Variants in PSMA2 observed in about 807,000 individuals in gnomAD.
PSMA2 encodes proteasome subunit alpha type-2.
PSMA2 carries 2 observed loss-of-function variants against 35.9 expected under a neutral mutation model. The observed-to-expected ratio is 0.06, with a 90% CI of 0.02 to 0.18. The LOEUF (loss-of-function observed/expected upper bound fraction) is 0.18, where lower values mean the gene tolerates loss of function less well. Ranked by LOEUF, PSMA2 falls within the 10% of genes least tolerant of loss-of-function variation. The pLI, the probability that PSMA2 is intolerant of heterozygous loss-of-function variation, is 1.00. For synonymous variants in PSMA2, 97 were observed against 98.2 expected (o/e 0.99, Z 0.07); for missense variants, 126 against 278.8 (o/e 0.45, Z 3.90).
At chr7:42,930,206 A>AACAC (rs58987065) in intron 1 of PSMA2, among the ~76,000 whole-genome samples, 1 of 149,214 alleles carries the variant, frequency 6.7e-6, no homozygotes, top group African/African-American at 2.5e-5. Flanking sequence ...ACCATGTTAA[A>AACAC]ACACACACAC....
At chr7:42,924,528 T>G in intron 4 of PSMA2, 147 bp downstream of exon 4, 2 of 834,908 alleles carry the variant, frequency 2.4e-6, no homozygotes, top group Non-Finnish European at 3.5e-6. Flanking sequence ...CAGAGCCAGA[T>G]AAGATCAGAA....
At chr7:42,927,301 G>T in intron 2 of PSMA2, 82 bp downstream of exon 2, 2 of 1,251,702 alleles carry the variant, frequency 1.6e-6, no homozygotes, top group Non-Finnish European at 2.3e-6. Flanking sequence ...CTGCAGCTCT[G>T]TATAAATTAA....
chr7:42,921,970 A>G, intron 5 of PSMA2, 39 bp from the exon 6 acceptor site: 2 of 1,497,982 alleles, frequency 1.3e-6, no homozygotes, highest in South Asian at 1.2e-5. Flanking sequence ...ATATTTTAAA[A>G]CACAAATACA....
chr7:42,922,610 A>C (rs959239944), intron 5 of PSMA2, among the ~76,000 whole-genome samples: 2 of 152,228 alleles, frequency 1.3e-5, no homozygotes, highest in African/African-American at 2.4e-5. Flanking sequence ...CAACACTATC[A>C]AAGTTCCCAA....
chr7:42,931,221 A>C (rs754348454), intron 1 of PSMA2: 2 of 434,690 alleles, frequency 4.6e-6, no homozygotes, highest in Admixed American at 5.3e-5. Flanking sequence ...TGCACCTAAC[A>C]AAGTACTCAA....
At chr7:42,923,275 T>C in intron 5 of PSMA2, 50 bp downstream of exon 5, 1 of 1,370,950 alleles carries the variant, frequency 7.3e-7, no homozygotes, top group African/African-American at 1.4e-5. Context: ...CTGTTAGATA[T>C]TCAAAGAGCA....
chr7:42,930,759 C>T (rs1456723503), intron 1 of PSMA2, among the ~76,000 whole-genome samples: 1 of 151,568 alleles, frequency 6.6e-6, no homozygotes, highest in Non-Finnish European at 1.5e-5. Context: ...CCAGCTACTC[C>T]AGAGACTGAG....
chr7:42,919,482 A>T (rs1786089699), intron 6 of PSMA2: 24 of 523,860 alleles, frequency 4.6e-5, no homozygotes, highest in South Asian at 3.7e-4. Context: ...CTCTGATATT[A>T]AAAAGGCCCT....
intron 3 of PSMA2, among the ~76,000 whole-genome samples, chr7:42,925,800 T>A (rs1174062291): frequency 6.6e-6 from 1 of 152,216 alleles, no homozygotes; most frequent in Non-Finnish European, 1.5e-5. Flanking sequence ...GCCTATATAG[T>A]GGTGACAAGA....
In PSMA2 at chr7:42,917,957, C is replaced by T. The variant is rs554270475; in HGVS notation, c.531-122G>A. 8.7e-5 allele frequency: 59 copies of T among 678,642 alleles called. No individual in the cohort carries two copies. In the African/African-American group the frequency reaches 9.4e-4, roughly 11 times the overall value. The allele number at this position is 678,642 out of a possible 1,614,324, so 42.0% of individuals were successfully genotyped here. ...AACATCTTAAAAATACTAAATTACACATTCTTTTAATCACCTCCTTGTAGC... is the reference window on the plus strand; with the variant it reads ...AACATCTTAAAAATACTAAATTACATATTCTTTTAATCACCTCCTTGTAGC... On this transcript the variant is annotated intron_variant, in intron 6 of 7. Transcript: ENST00000223321.
At chr7:42,920,426 CTTAT>C (rs1018290395) in intron 6 of PSMA2, 3 of 152,546 alleles carry the variant, frequency 2.0e-5, no homozygotes, top group African/African-American at 7.2e-5. Flanking sequence ...AATATATTGG[CTTAT>C]TTGTCTGACT....
At chr7:42,919,158 A>G (rs1020098190) in intron 6 of PSMA2, 5 of 535,934 alleles carry the variant, frequency 9.3e-6, no homozygotes, top group African/African-American at 7.7e-5. Flanking sequence ...GTGCTTGCAA[A>G]GACGGCAAAC....
intron 1 of PSMA2, among the ~76,000 whole-genome samples, chr7:42,927,906 C>CAA (rs10625370): frequency 0.62 from 91,132 of 147,396 alleles, 30,424 homozygotes; most frequent in East Asian, 0.78. Flanking sequence ...AACCTCGTCT[C>CAA]AAAAAAAAAA....
intron 6 of PSMA2, chr7:42,918,839 C>A: frequency 6.1e-6 from 1 of 165,256 alleles, no homozygotes; most frequent in Non-Finnish European, 1.3e-5. Context: ...TTTTTTTTCC[C>A]TCAAGACAGA....
At chr7:42,918,073 CTTTTT>C in intron 6 of PSMA2, 1 of 167,168 alleles carries the variant, frequency 6.0e-6, no homozygotes, top group Non-Finnish European at 1.2e-5. Context: ...GTTTAGGAAA[CTTTTT>C]TTTTTTTTTT....
intron 5 of PSMA2, among the ~76,000 whole-genome samples, chr7:42,923,031 T>C (rs1174664336): frequency 6.6e-6 from 1 of 152,210 alleles, no homozygotes; most frequent in Non-Finnish European, 1.5e-5. Flanking sequence ...AATTGCAGTA[T>C]TTCCCGAAGT....
chr7:42,932,010 A>G (rs1194288372), intron 1 of PSMA2, 108 bp downstream of exon 1: 6 of 1,416,706 alleles, frequency 4.2e-6, no homozygotes, highest in South Asian at 1.2e-5. Context: ...TCCATTCCCT[A>G]CTGGACCCTC....
chr7:42,920,857 G>C (rs1364155988), intron 6 of PSMA2: 2 of 152,152 alleles, frequency 1.3e-5, no homozygotes, highest in African/African-American at 4.8e-5. Flanking sequence ...GCAGCAACAT[G>C]GATGGAACTC....
At chr7:42,930,408 T>G (rs1050950134) in intron 1 of PSMA2, among the ~76,000 whole-genome samples, 4 of 151,984 alleles carry the variant, frequency 2.6e-5, no homozygotes, top group Non-Finnish European at 5.9e-5. Context: ...TACAGGCACA[T>G]GCCTGGCTAA....
Sources: gnomAD v4.1 joint callset for allele counts (sites outside exome capture counted in the v4.1 genomes callset) on GRCh38, gnomAD v4.1.1 for gene constraint, MANE v1.5 for transcripts, NCBI Gene and HGNC (gene_info 2026-07-23, HGNC 2026-07-21) for gene names.